STAM: variants seen among roughly 807,000 people sequenced by gnomAD.
STAM encodes signal transducing adaptor molecule, also known as signal transducing adapter molecule 1.
STAM carries 16 observed loss-of-function variants against 63.4 expected under a neutral mutation model. That is an observed-to-expected ratio of 0.25 (90% confidence interval 0.17 to 0.38). The LOEUF (loss-of-function observed/expected upper bound fraction) is 0.38, where lower values mean the gene tolerates loss of function less well. STAM is among the 10% of genes least tolerant of loss of function. The probability of loss-of-function intolerance (pLI) is 1.00; values close to 1 mark genes in which losing one functional copy is unlikely to be tolerated. For synonymous variants in STAM, 238 were observed against 223.9 expected (o/e 1.06, Z -0.56); for missense variants, 636 against 657.1 (o/e 0.97, Z 0.35).
intron 1 of STAM, among the ~76,000 whole-genome samples, chr10:17,648,434 CA>C (rs1325408881): frequency 5.9e-5 from 9 of 152,328 alleles, no homozygotes; most frequent in Admixed American, 2.0e-4. Flanking sequence ...TAGCCAGCAG[CA>C]GCAACCGGCT....
At chr10:17,694,787 C>T in intron 6 of STAM, 2 of 300,726 alleles carry the variant, frequency 6.7e-6, no homozygotes, top group East Asian at 5.5e-5. Context: ...TTTTTATTAC[C>T]CAGAATAATT....
intron 13 of STAM, among the ~76,000 whole-genome samples, chr10:17,713,400 G>A (rs1836651740): frequency 6.6e-6 from 1 of 150,838 alleles, no homozygotes; most frequent in African/African-American, 2.5e-5. Flanking sequence ...TGCCTATGCA[G>A]GACAACAGGC....
chr10:17,714,889 C>T lies in STAM; in HGVS notation c.*109C>T. Reference sequence around the variant, plus strand: ...TATCCTCAGCTTATAGGAATCTCTCCAGGTCAACAGGTTCAAATATTCAAG... The same window carrying T: ...TATCCTCAGCTTATAGGAATCTCTCTAGGTCAACAGGTTCAAATATTCAAG... On this transcript the variant is annotated 3_prime_UTR_variant, in exon 14 of 14. Transcript: ENST00000377524. 1 of 1,042,388 alleles carries T rather than the reference C, an allele frequency of 9.6e-7. No homozygotes were observed. Among genetic ancestry groups the T allele is most frequent in the South Asian group, 1.4e-5 (1 of 71,750 alleles). 64.6% of individuals were successfully genotyped at this position (1,042,388 alleles called of 1,614,324 possible).
At chr10:17,650,905 A>G (rs1554821452) in intron 1 of STAM, among the ~76,000 whole-genome samples, 1 of 151,870 alleles carries the variant, frequency 6.6e-6, no homozygotes, top group African/African-American at 2.4e-5. Context: ...CTCTACTAAA[A>G]ATACAAAAAA....
chr10:17,662,557 A>G (rs1163549465), intron 2 of STAM, among the ~76,000 whole-genome samples: 1 of 152,232 alleles, frequency 6.6e-6, no homozygotes, highest in African/African-American at 2.4e-5. Context: ...TGTAGAATGA[A>G]TGGTCCATGA....
At chr10:17,676,034 TA>T (rs1219757023) in intron 2 of STAM, among the ~76,000 whole-genome samples, 83 of 149,824 alleles carry the variant, frequency 5.5e-4, no homozygotes, top group African/African-American at 1.9e-3. Flanking sequence ...TAGAATTCAT[TA>T]AAAAAAAAAT....
At chr10:17,695,759 A>G (rs1490488895) in intron 7 of STAM, 15 of 152,278 alleles carry the variant, frequency 9.9e-5, no homozygotes, top group African/African-American at 3.6e-4. Context: ...CTTGTTACTG[A>G]TAATGAAGTA....
At chr10:17,681,592 T>C (rs1589067470) in intron 2 of STAM, among the ~76,000 whole-genome samples, 1 of 152,296 alleles carries the variant, frequency 6.6e-6, no homozygotes, top group Non-Finnish European at 1.5e-5. Flanking sequence ...TGTATTGTGT[T>C]ATTAGAGGAA....
chr10:17,705,905 CA>C (rs35030917), intron 12 of STAM, among the ~76,000 whole-genome samples, 164 bp downstream of exon 12: 8,995 of 123,188 alleles, frequency 0.073, 331 homozygotes, highest in Middle Eastern at 0.16. Context: ...CTGTCTCTAC[CA>C]AAAAAAAAAA....
At chr10:17,696,741 G>T (rs1327400562) in intron 7 of STAM, 34 bp from the exon 8 acceptor site, 1 of 1,425,962 alleles carries the variant, frequency 7.0e-7, no homozygotes, top group Non-Finnish European at 9.9e-7. Flanking sequence ...AAATACATTT[G>T]TTATGGTAAA....
chr10:17,700,685 AT>A (rs1835955469), intron 9 of STAM, among the ~76,000 whole-genome samples: 1 of 151,966 alleles, frequency 6.6e-6, no homozygotes, highest in African/African-American at 2.4e-5. Flanking sequence ...TTCCATGTTA[AT>A]AGATAATGTC....
Position 17,695,129 on chromosome 10 carries a change from A to C in STAM, c.616A>C (p.Thr206Pro). The change falls in exon 7 of 14, where the codon ACT becomes CCT. Residue 206 changes from threonine to proline, a missense_variant. By Grantham distance (38) the Thr-to-Pro change is conservative. Around this residue, in one of 3 missense-constraint regions of STAM, gnomAD observed 532 missense variants for 536.9 expected, o/e 0.99. Transcript: ENST00000377524. ...GTATCCAAGCACATCCAGTCTCTTA[A>C]CTAACCACCAACATGAAGGCCGAAA... Reference protein sequence around the residue: ...TLYPSTSSLLTNHQHEGRKVR... With the variant: ...TLYPSTSSLLPNHQHEGRKVR... 6.2e-7 allele frequency: 1 copy of C among 1,614,126 alleles called. No homozygotes were observed.
intron 9 of STAM, among the ~76,000 whole-genome samples, chr10:17,702,244 G>T (rs531177857): frequency 2.8e-4 from 43 of 152,154 alleles, no homozygotes; most frequent in African/African-American, 8.4e-4. Flanking sequence ...AATACTGAGA[G>T]TATTATCAGT....
intron 13 of STAM, among the ~76,000 whole-genome samples, chr10:17,714,230 G>T (rs540254639): frequency 1.3e-5 from 2 of 152,064 alleles, no homozygotes; most frequent in Non-Finnish European, 2.9e-5. Context: ...AGAACCACTT[G>T]ACACACGATA....
intron 1 of STAM, among the ~76,000 whole-genome samples, chr10:17,656,406 T>C (rs1833942403): frequency 6.6e-6 from 1 of 152,134 alleles, no homozygotes; most frequent in African/African-American, 2.4e-5. Context: ...TTAGGTCTCA[T>C]TGACTTTTAA....
intron 8 of STAM, among the ~76,000 whole-genome samples, chr10:17,697,228 C>T (rs549873657): frequency 6.6e-6 from 1 of 152,198 alleles, no homozygotes; most frequent in African/African-American, 2.4e-5. Context: ...CGCACCTGGC[C>T]TAACTTTTCT....
intron 5 of STAM, among the ~76,000 whole-genome samples, 182 bp from the exon 6 acceptor site, chr10:17,693,040 T>A (rs1835608110): frequency 6.6e-6 from 1 of 152,188 alleles, no homozygotes; most frequent in African/African-American, 2.4e-5. Context: ...AGTTGCTCTC[T>A]GTGTTCTCCA....
chr10:17,660,773 G>A (rs1017371110), intron 2 of STAM, among the ~76,000 whole-genome samples: 1 of 151,976 alleles, frequency 6.6e-6, no homozygotes, highest in Non-Finnish European at 1.5e-5. Flanking sequence ...TAAAAAAGAA[G>A]GATCAGGAGG....
intron 2 of STAM, among the ~76,000 whole-genome samples, chr10:17,663,048 A>C (rs759810598): frequency 6.6e-6 from 1 of 152,124 alleles, no homozygotes; most frequent in Non-Finnish European, 1.5e-5. Context: ...AATTGGGTCA[A>C]TTGCTTGAAG....
Sources: allele counts gnomAD v4.1 joint callset (sites outside exome capture counted in the v4.1 genomes callset), GRCh38; gene constraint gnomAD v4.1.1; regional missense constraint gnomAD v4.1.1; transcripts MANE v1.5; gene names NCBI Gene and HGNC (gene_info 2026-07-23, HGNC 2026-07-21).